Variants in TECTA observed in about 807,000 individuals in gnomAD.
TECTA encodes the protein alpha-tectorin.
TECTA carries 128 observed loss-of-function variants against 216.8 expected under a neutral mutation model. The ratio of observed to expected loss-of-function variants is 0.59; its 90% CI spans 0.51 to 0.68. The LOEUF is 0.68. TECTA is among the 30% of genes least tolerant of loss of function. The pLI is 0.00. For missense variants in TECTA, 2,551 were observed against 2,786.2 expected (o/e 0.92, Z 1.90); for synonymous variants, 1,089 against 1,117.1 (o/e 0.97, Z 0.50).
chr11:121,103,102 G>T (rs184875409), intron 2 of TECTA, among the ~76,000 whole-genome samples: 35 of 152,266 alleles, frequency 2.3e-4, no homozygotes, highest in Non-Finnish European at 4.0e-4. Context: ...AGACTTTAAA[G>T]AATCTACTTA....
At chr11:121,171,010 AATG>A (rs1199484069) in intron 20 of TECTA, among the ~76,000 whole-genome samples, 10 of 152,178 alleles carry the variant, frequency 6.6e-5, no homozygotes, top group Non-Finnish European at 1.5e-4. Context: ...TGCCTCAACT[AATG>A]ATGAAGCATG....
chr11:121,137,902 T>G lies in TECTA; in HGVS notation c.3423T>G (p.Phe1141Leu). Residue 1141 changes from phenylalanine to leucine, a missense_variant, in exon 11 of 24, where the codon TTT (phenylalanine) becomes TTG (leucine). Phe to Leu is a conservative substitution (Grantham distance 22). Around this residue, in one of 3 missense-constraint regions of TECTA, gnomAD observed 2,375 missense variants for 2,563.9 expected, o/e 0.93. Transcript: ENST00000392793. Reference protein sequence around the residue: ...SRPSSDSFPKFVVTAKNEDRD... With the variant: ...SRPSSDSFPKLVVTAKNEDRD... ...CAAGCTCAGACTCTTTCCCCAAGTT[T>G]GTTGTCACAGCCAAGAATGAGGACC... 1.2e-6 allele frequency: 2 copies of G among 1,602,400 alleles called. No individual in the cohort carries two copies. The highest frequency in any genetic ancestry group is 8.5e-7 in the Non-Finnish European group (1 of 1,170,548).
chr11:121,159,803 T>G (rs1340224300), intron 14 of TECTA, among the ~76,000 whole-genome samples: 1 of 152,236 alleles, frequency 6.6e-6, no homozygotes. Context: ...TTTCCTTATC[T>G]CTCACCTCCT....
Position 121,138,095 on chromosome 11 carries a change from A to G in TECTA, c.3543+73A>G. The G allele has an allele frequency of 1.9e-6, 3 of 1,604,544 alleles. No homozygotes were observed. The Admixed American group carries it at 5.0e-5, about 27-fold the overall frequency. On this transcript the variant is annotated intron_variant, in intron 11 of 23. Transcript: ENST00000392793. ...GGATGGGGTCGGCAAGCCAGGCTGC[A>G]GCTGAATCAGGCAGGTCCGGAATCC...
chr11:121,144,018 A>G (rs1177725298), intron 11 of TECTA, among the ~76,000 whole-genome samples: 1 of 152,214 alleles, frequency 6.6e-6, no homozygotes, highest in African/African-American at 2.4e-5. Flanking sequence ...TCATTAGCCC[A>G]TAGACGCAGG....
chr11:121,153,133 C>G, intron 13 of TECTA, 53 bp downstream of exon 13: 1 of 1,572,078 alleles, frequency 6.4e-7, no homozygotes, highest in Non-Finnish European at 8.6e-7. Flanking sequence ...AGATTCCTCT[C>G]CAACTCTAAG....
intron 7 of TECTA, among the ~76,000 whole-genome samples, chr11:121,119,569 AT>A (rs1444121608): frequency 5.3e-5 from 8 of 152,232 alleles, no homozygotes; most frequent in African/African-American, 1.7e-4. Context: ...GCAACCGTGT[AT>A]TTATTCAAGC....
chr11:121,164,165 T>G (rs1591462274), intron 16 of TECTA, among the ~76,000 whole-genome samples: 1 of 152,276 alleles, frequency 6.6e-6, no homozygotes, highest in Admixed American at 6.5e-5. Flanking sequence ...CCTGTGTGTG[T>G]GGGTATGTGT....
At position 121,125,353 on chromosome 11, in the gene TECTA, A is replaced by C; in HGVS notation, c.1255A>C (p.Lys419Gln). 1 of 1,614,154 alleles carries C rather than the reference A, an allele frequency of 6.2e-7. No homozygotes were observed. Residue 419 changes from lysine (K) to glutamine (Q), a missense_variant, in exon 8 of 24, where the codon AAA (lysine) becomes CAA (glutamine). This residue lies in a region of TECTA where 2,375 missense variants were observed against 2,563.9 expected (regional missense o/e 0.93). Coordinates refer to ENST00000392793, the MANE Select transcript of TECTA (RefSeq NM_005422.4). ...TGTCACCTTAGACTTGGGGACAGTG[A>C]AAATCTACCAGAGTGGCATATCTAC... The part of the protein sequence containing the change: ...LPVTLDLGTV[K>Q]IYQSGISTAV...
Position 121,166,750 on chromosome 11 carries a change from C to G in TECTA, c.5556C>G (p.Asn1852Lys). 1 of 1,614,200 alleles carries G rather than the reference C, an allele frequency of 6.2e-7. No individual in the cohort carries two copies. The highest frequency in any genetic ancestry group is 8.5e-7 in the Non-Finnish European group (1 of 1,180,030). ...GEDFISFQINNTKGNCGNIVQ... is the reference protein window; with the variant it reads ...GEDFISFQINKTKGNCGNIVQ... ...ATTTTATCTCCTTTCAGATCAACAA[C>G]ACCAAAGGGAATTGTGGAAACATTG... The change falls in exon 18 of 24, where the codon AAC becomes AAG. Residue 1852 changes from asparagine to lysine, a missense_variant. Around this residue, in one of 3 missense-constraint regions of TECTA, gnomAD observed 2,375 missense variants for 2,563.9 expected, o/e 0.93. Transcript: ENST00000392793.
chr11:121,173,638 T>C (rs984487098), intron 20 of TECTA, among the ~76,000 whole-genome samples: 16 of 145,646 alleles, frequency 1.1e-4, no homozygotes, highest in African/African-American at 3.8e-4. Context: ...CCTCCAGCTT[T>C]GTTCTTTTGG....
At position 121,188,004 on chromosome 11, in the gene TECTA, AGT is replaced by A; in HGVS notation, c.6162+14_6162+15del. On this transcript the variant is annotated intron_variant, in intron 21 of 23. Coordinates refer to ENST00000392793, the MANE Select transcript of TECTA (RefSeq NM_005422.4). ...GTACTCCTGTAAAATCGTAAGTGAG[AGT>A]GTGAAAACAAAGTGCTTAGCCTTAT... 1 of 1,614,140 alleles carries A rather than the reference AGT, an allele frequency of 6.2e-7. No individual in the cohort carries two copies. The highest frequency in any genetic ancestry group is 8.5e-7 in the Non-Finnish European group (1 of 1,180,012).
At position 121,118,706 on chromosome 11, in the gene TECTA, T is replaced by C. The variant is rs1946526016; in HGVS notation, c.1191T>C (p.Tyr397=). 2 of 1,613,658 alleles carry C rather than the reference T, an allele frequency of 1.2e-6. No individual in the cohort carries two copies. The highest frequency in any genetic ancestry group is 2.2e-5 in the South Asian group (2 of 91,072). ...GYKILIPKGS[Y]GRVKVNDLVT... is the part of the protein sequence containing the mutation. The stretch of plus-strand genomic sequence containing the variant: ...AGATTCTCATCCCCAAAGGAAGCTA[T>C]GGAAGAGTCAAGGTGAGCCCCTTTC... The change falls in exon 7 of 24, where the codon TAT becomes TAC. Residue 397 remains tyrosine (Y), a synonymous_variant. Transcript: ENST00000392793.
At chr11:121,180,619 G>T (rs1947217235) in intron 20 of TECTA, among the ~76,000 whole-genome samples, 1 of 151,920 alleles carries the variant, frequency 6.6e-6, no homozygotes, top group Non-Finnish European at 1.5e-5. Flanking sequence ...AATCAATTTG[G>T]GATCTTTGAG....
intron 10 of TECTA, among the ~76,000 whole-genome samples, chr11:121,135,442 A>C (rs1055836273): frequency 7.9e-5 from 12 of 152,252 alleles, no homozygotes; most frequent in African/African-American, 2.7e-4. Context: ...TATCACCATA[A>C]ATCTGCAGTC....
intron 11 of TECTA, among the ~76,000 whole-genome samples, chr11:121,138,847 C>A (rs753145049): frequency 1.3e-5 from 2 of 152,204 alleles, no homozygotes; most frequent in Admixed American, 6.5e-5. Flanking sequence ...TTTTAGGGAG[C>A]TGATTTAGGG....
At chr11:121,108,468 TACAC>T (rs57043439) in intron 3 of TECTA, among the ~76,000 whole-genome samples, 54,007 of 145,682 alleles carry the variant, frequency 0.37, 9,904 homozygotes, top group Middle Eastern at 0.43. Context: ...CCCTAGTACA[TACAC>T]ATATACACAC....
chr11:121,128,143 C>A lies in TECTA; in HGVS notation c.2166C>A (p.His722Gln), dbSNP rs773755024. Reference protein sequence around the residue: ...VCLLSQNQVLHTFDGASYAFP... With the variant: ...VCLLSQNQVLQTFDGASYAFP... Reference sequence around the variant, plus strand: ...TGCTCAGCCAGAACCAGGTGCTGCACACCTTTGACGGCGCCTCCTACGCCT... The same window carrying A: ...TGCTCAGCCAGAACCAGGTGCTGCAAACCTTTGACGGCGCCTCCTACGCCT... The change falls in exon 9 of 24, where the codon CAC becomes CAA. Residue 722 changes from histidine (H) to glutamine (Q), a missense_variant. Transcript: ENST00000392793. 4.3e-6 allele frequency: 7 copies of A among 1,612,466 alleles called. No homozygotes were observed. The African/African-American group carries it at 9.3e-5, about 22-fold the overall frequency.
intron 20 of TECTA, among the ~76,000 whole-genome samples, chr11:121,186,556 T>C (rs1419667794): frequency 1.3e-5 from 2 of 152,238 alleles, no homozygotes; most frequent in African/African-American, 4.8e-5. Context: ...GAAGAGCTGT[T>C]ACCACTTTAG....
Sources: allele counts gnomAD v4.1 joint callset (sites outside exome capture counted in the v4.1 genomes callset), GRCh38; gene constraint gnomAD v4.1.1; regional missense constraint gnomAD v4.1.1; transcripts MANE v1.5; gene names NCBI Gene and HGNC (gene_info 2026-07-23, HGNC 2026-07-21).